Variants in MTUS2 observed in about 807,000 individuals in gnomAD.
MTUS2 encodes microtubule associated scaffold protein 2, also known as microtubule-associated tumor suppressor candidate 2.
A neutral mutation model predicts 114.1 loss-of-function variants in MTUS2; 40 were observed. That is an observed-to-expected ratio of 0.35 (90% CI 0.27 to 0.46). The LOEUF (loss-of-function observed/expected upper bound fraction) is 0.46, where lower values mean the gene tolerates loss of function less well. Among genes scored for constraint, MTUS2 ranks in the 20% least tolerant of loss-of-function variants. MTUS2 has a pLI of 1.00. For synonymous variants in MTUS2, 688 were observed against 672.0 expected, an observed-to-expected ratio of 1.02 and a Z score of -0.37; for missense variants, 1,679 against 1,705.4, an observed-to-expected ratio of 0.98 and a Z score of 0.27.
chr13:29,268,793 G>A (rs999690381), intron 5 of MTUS2, among the ~76,000 whole-genome samples: 3 of 152,094 alleles, frequency 2.0e-5, no homozygotes, highest in Admixed American at 1.3e-4. Context: ...CCAGTTGTGC[G>A]ATCATAGCTC....
chr13:29,251,971 A>G (rs1897138175), intron 5 of MTUS2, among the ~76,000 whole-genome samples: 2 of 152,232 alleles, frequency 1.3e-5, no homozygotes, highest in South Asian at 4.1e-4. Flanking sequence ...TTGCTGGATC[A>G]CACAGTAATT....
chr13:29,059,496 C>T (rs1256048472), intron 4 of MTUS2, among the ~76,000 whole-genome samples: 1 of 152,162 alleles, frequency 6.6e-6, no homozygotes, highest in East Asian at 1.9e-4. Flanking sequence ...AAGGTTGCAT[C>T]TGCCCACAGA....
rs1566172164 is a variant in MTUS2, at chr13:29,389,295, G to GTGCAAATATGTA, written c.3117+29824_3117+29825insCAAATATGTATG. Among the ~76,000 whole-genome samples, 48 of 145,916 alleles carry GTGCAAATATGTA rather than the reference G, an allele frequency of 3.3e-4. 2 individuals carry two copies. The highest frequency in any genetic ancestry group is 1.3e-3 in the African/African-American group (48 of 37,962). On this transcript the variant is annotated intron_variant, in intron 8 of 15. Transcript: ENST00000612955. The stretch of plus-strand genomic sequence containing the variant: ...TATGTATATATGTATACACATATGT[G>GTGCAAATATGTA]TGTATATGTGTATATATGTATACAC...
At chr13:29,137,088 A>G (rs1365794949) in intron 5 of MTUS2, among the ~76,000 whole-genome samples, 1 of 152,126 alleles carries the variant, frequency 6.6e-6, no homozygotes, top group Non-Finnish European at 1.5e-5. Flanking sequence ...GGTTAAGCAG[A>G]GGAAAAACAT....
chr13:29,325,811 C>T (rs1900486945), intron 7 of MTUS2, among the ~76,000 whole-genome samples: 1 of 152,160 alleles, frequency 6.6e-6, no homozygotes, highest in South Asian at 2.1e-4. Context: ...TTGCCCCTCT[C>T]TTTACATGTG....
chr13:29,076,468 C>G (rs1889197212), intron 4 of MTUS2, among the ~76,000 whole-genome samples: 1 of 152,176 alleles, frequency 6.6e-6, no homozygotes, highest in Non-Finnish European at 1.5e-5. Flanking sequence ...GTCTTGGAGC[C>G]TCTCATGAGT....
intron 11 of MTUS2, among the ~76,000 whole-genome samples, chr13:29,491,745 G>A (rs1882117784): frequency 2.0e-5 from 3 of 146,624 alleles, no homozygotes; most frequent in South Asian, 2.2e-4. Flanking sequence ...CGTGTGGGGT[G>A]TGTGTGTGCG....
chr13:29,464,022 G>A (rs1307515402), intron 9 of MTUS2, among the ~76,000 whole-genome samples: 1 of 152,150 alleles, frequency 6.6e-6, no homozygotes, highest in Admixed American at 6.5e-5. Flanking sequence ...GAAAAGAAAC[G>A]ATAGATGTTG....
intron 4 of MTUS2, among the ~76,000 whole-genome samples, chr13:29,041,365 T>G (rs1189766035): frequency 6.6e-6 from 1 of 152,220 alleles, no homozygotes; most frequent in Non-Finnish European, 1.5e-5. Context: ...TGGTATAGTT[T>G]GAAGTCAGGT....
intron 2 of MTUS2, among the ~76,000 whole-genome samples, chr13:28,971,974 G>A (rs530614905): frequency 1.9e-4 from 29 of 152,342 alleles, no homozygotes; most frequent in African/African-American, 6.7e-4. Flanking sequence ...CTGATTTAAA[G>A]TGCTAATAGC....
chr13:28,869,928 AT>A (rs1222645351), intron 2 of MTUS2, among the ~76,000 whole-genome samples: 5 of 152,048 alleles, frequency 3.3e-5, no homozygotes, highest in Non-Finnish European at 7.4e-5. Flanking sequence ...CAGACTCTTA[AT>A]TTCTTTCTTT....
chr13:28,897,957 G>A lies in MTUS2; in HGVS notation c.-243+58107G>A, dbSNP rs576261765. ...GGAGATATACCTAATGTTAAATGACGAGTTAATGGGTGCAGCACACCAACA... is the reference window on the plus strand; with the variant it reads ...GGAGATATACCTAATGTTAAATGACAAGTTAATGGGTGCAGCACACCAACA... On this transcript the variant is annotated intron_variant, in intron 2 of 15. Coordinates refer to ENST00000612955, the MANE Select transcript of MTUS2 (RefSeq NM_001033602.4). 1.3e-3 allele frequency among the ~76,000 whole-genome samples: 201 copies of A among 151,562 alleles called. 1 individual carries two copies. Among genetic ancestry groups the A allele is most frequent in the Non-Finnish European group, 1.7e-3 (114 of 67,912 alleles).
In MTUS2 at chr13:29,026,040, A is replaced by C; in HGVS notation, c.1342A>C (p.Lys448Gln). 1 of 1,614,018 alleles carries C rather than the reference A, an allele frequency of 6.2e-7. No individual in the cohort carries two copies. The highest frequency in any genetic ancestry group is 1.1e-5 in the South Asian group (1 of 91,076). ...AFIPNNLTDS[K>Q]PLDVIEEERR... Reference sequence around the variant, plus strand: ...TATTCCTAATAATCTGACTGACAGCAAGCCCTTGGATGTCATTGAGGAGGA... The same window carrying C: ...TATTCCTAATAATCTGACTGACAGCCAGCCCTTGGATGTCATTGAGGAGGA... Residue 448 changes from lysine (K) to glutamine (Q), a missense_variant, in exon 3 of 16, where the codon AAG (lysine) becomes CAG (glutamine). By Grantham distance (53) the Lys-to-Gln change is moderately conservative. This residue lies in a region of MTUS2 where 843 missense variants were observed against 770.8 expected (regional missense o/e 1.09). Coordinates refer to ENST00000612955, the MANE Select transcript of MTUS2 (RefSeq NM_001033602.4).
chr13:29,142,644 C>T (rs1288293208), intron 5 of MTUS2, among the ~76,000 whole-genome samples: 6 of 151,984 alleles, frequency 3.9e-5, no homozygotes, highest in East Asian at 3.9e-4. Context: ...ATGCAGAGGT[C>T]GCAGTGAGCC....
intron 6 of MTUS2, among the ~76,000 whole-genome samples, chr13:29,319,673 C>T (rs1488263612): frequency 6.6e-6 from 1 of 152,080 alleles, no homozygotes; most frequent in Non-Finnish European, 1.5e-5. Flanking sequence ...CTACTCTGAC[C>T]ACATGAAACA....
At chr13:28,904,882 A>G (rs1352346600) in intron 2 of MTUS2, among the ~76,000 whole-genome samples, 1 of 151,846 alleles carries the variant, frequency 6.6e-6, no homozygotes, top group African/African-American at 2.4e-5. Context: ...CTTCCTACCC[A>G]TGAGCATGGA....
chr13:28,958,443 C>A (rs538652965), intron 2 of MTUS2, among the ~76,000 whole-genome samples: 23 of 152,238 alleles, frequency 1.5e-4, no homozygotes, highest in African/African-American at 4.3e-4. Context: ...ATAAGTAAGC[C>A]TAAAGGATGT....
At chr13:29,186,370 GATAC>G (rs1332522550) in intron 5 of MTUS2, among the ~76,000 whole-genome samples, 1 of 152,080 alleles carries the variant, frequency 6.6e-6, no homozygotes, top group Non-Finnish European at 1.5e-5. Flanking sequence ...CTATCTATAA[GATAC>G]ACTTTAGATC....
rs186930653 is a variant in MTUS2, at chr13:29,372,331, C to A, written c.3117+12858C>A. 2.6e-5 allele frequency among the ~76,000 whole-genome samples: 4 copies of A among 152,120 alleles called. No individual in the cohort carries two copies. In the East Asian group the frequency reaches 7.7e-4, roughly 29 times the overall value. On this transcript the variant is annotated intron_variant, in intron 8 of 15. Coordinates refer to ENST00000612955, the MANE Select transcript of MTUS2 (RefSeq NM_001033602.4). ...TCATGCTGAGATGTCTGACTTGTGA[C>A]AATGAAGAACAGCATTCAGTATCTG...
Sources: allele counts gnomAD v4.1 joint callset (sites outside exome capture counted in the v4.1 genomes callset), GRCh38; gene constraint gnomAD v4.1.1; regional missense constraint gnomAD v4.1.1; transcripts MANE v1.5; gene names NCBI Gene and HGNC (gene_info 2026-07-23, HGNC 2026-07-21).